Variants in CDH12 observed in about 807,000 individuals in gnomAD.
CDH12 encodes cadherin-12.
Under a neutral mutation model 74.1 loss-of-function variants are expected in CDH12, and 41 were observed. That is an observed-to-expected ratio of 0.55 (90% CI 0.43 to 0.72). CDH12 has a LOEUF of 0.72. Among genes scored for constraint, CDH12 ranks in the 30% least tolerant of loss-of-function variants. CDH12 has a pLI of 0.00. For synonymous variants in CDH12, 399 were observed against 355.0 expected (o/e 1.12, Z -1.39); for missense variants, 945 against 977.2 (o/e 0.97, Z 0.44).
At chr5:21,781,506 C>A (rs547695806) in intron 11 of CDH12, among the ~76,000 whole-genome samples, 1 of 152,118 alleles carries the variant, frequency 6.6e-6, no homozygotes, top group Non-Finnish European at 1.5e-5. Flanking sequence ...GGTGGATCAC[C>A]TAAAGTCAGG....
At chr5:22,028,636 A>T (rs941463415) in intron 5 of CDH12, among the ~76,000 whole-genome samples, 4 of 152,084 alleles carry the variant, frequency 2.6e-5, no homozygotes, top group East Asian at 1.9e-4. Flanking sequence ...GGAAGAACAT[A>T]CCATGCTCAT....
At chr5:22,325,984 A>C (rs1739080437) in intron 3 of CDH12, among the ~76,000 whole-genome samples, 1 of 152,154 alleles carries the variant, frequency 6.6e-6, no homozygotes, top group South Asian at 2.1e-4. Context: ...TGGATTAATG[A>C]GTGAAAAAGT....
Position 22,078,558 on chromosome 5 carries a change from A to C in CDH12, c.119T>G (p.Ile40Ser). 1 of 1,613,974 alleles carries C rather than the reference A, an allele frequency of 6.2e-7. No individual in the cohort carries two copies. The highest frequency in any genetic ancestry group is 2.2e-5 in the East Asian group (1 of 44,872). Residue 40 changes from isoleucine (I) to serine (S), a missense_variant, in exon 5 of 15, where the codon ATC (isoleucine) becomes AGC (serine). By Grantham distance (142) the Ile-to-Ser change is moderately radical. Around this residue, in one of 3 missense-constraint regions of CDH12, gnomAD observed 148 missense variants for 162.8 expected, o/e 0.91. Coordinates refer to ENST00000382254, the MANE Select transcript of CDH12 (RefSeq NM_004061.5). ...TLATEPRENV[I>S]HLPGQRSHFQ... is the part of the protein sequence containing the mutation. ...ATGTGACCGTTGTCCTGGCAGATGGATAACATTTTCTCTTGGCTCTGTGGC... is the reference window on the plus strand; with the variant it reads ...ATGTGACCGTTGTCCTGGCAGATGGCTAACATTTTCTCTTGGCTCTGTGGC...
intron 1 of CDH12, among the ~76,000 whole-genome samples, chr5:22,645,151 A>G (rs1739371408): frequency 6.6e-6 from 1 of 152,122 alleles, no homozygotes; most frequent in African/African-American, 2.4e-5. Flanking sequence ...AATAGTTGCC[A>G]TAGACAGTGA....
At chr5:22,706,930 ATAAATT>A (rs1004127067) in intron 1 of CDH12, among the ~76,000 whole-genome samples, 1 of 152,178 alleles carries the variant, frequency 6.6e-6, no homozygotes, top group Non-Finnish European at 1.5e-5. Context: ...TCCTAAGAAA[ATAAATT>A]TACACCCAAA....
intron 6 of CDH12, among the ~76,000 whole-genome samples, chr5:21,893,981 T>A (rs771274620): frequency 6.6e-6 from 1 of 152,188 alleles, no homozygotes; most frequent in Non-Finnish European, 1.5e-5. Flanking sequence ...ATTTACAGTA[T>A]TTAACGCCTG....
At position 22,505,339 on chromosome 5, in the gene CDH12, A is replaced by C; in HGVS notation, c.-497T>G. On this transcript the variant is annotated 5_prime_UTR_variant, in exon 2 of 15. Coordinates refer to ENST00000382254, the MANE Select transcript of CDH12 (RefSeq NM_004061.5). ...GTTCCAGCTTGTCTATATTTCCCAA[A>C]AGAGCCAAGCTGTTAGGTAACAAAG... 3 of 984,534 alleles carry C rather than the reference A, an allele frequency of 3.0e-6. No homozygotes were observed. Among genetic ancestry groups the C allele is most frequent in the Non-Finnish European group, 3.6e-6 (3 of 829,162 alleles). 61.0% of individuals were successfully genotyped at this position (984,534 alleles called of 1,614,324 possible).
intron 3 of CDH12, among the ~76,000 whole-genome samples, chr5:22,399,153 T>C (rs1742596309): frequency 6.6e-6 from 1 of 151,970 alleles, no homozygotes; most frequent in African/African-American, 2.4e-5. Context: ...TGTATATACA[T>C]ATCTATATCT....
At chr5:21,819,162 A>T (rs1304895067) in intron 8 of CDH12, among the ~76,000 whole-genome samples, 1 of 152,014 alleles carries the variant, frequency 6.6e-6, no homozygotes, top group African/African-American at 2.4e-5. Context: ...AATAGCCTTA[A>T]TTACATAAGC....
chr5:22,535,526 T>G (rs2126711201), intron 1 of CDH12, among the ~76,000 whole-genome samples: 1 of 152,328 alleles, frequency 6.6e-6, no homozygotes, highest in Non-Finnish European at 1.5e-5. Flanking sequence ...TAATTTTAAG[T>G]GTTATCAGTA....
chr5:21,991,727 C>G (rs116269084), intron 5 of CDH12, among the ~76,000 whole-genome samples: 1 of 151,176 alleles, frequency 6.6e-6, no homozygotes, highest in Non-Finnish European at 1.5e-5. Context: ...GCTGCCTTAC[C>G]GAAGTCTTTT....
At chr5:22,074,495 G>A (rs2150220895) in intron 5 of CDH12, among the ~76,000 whole-genome samples, 1 of 152,222 alleles carries the variant, frequency 6.6e-6, no homozygotes, top group Non-Finnish European at 1.5e-5. Flanking sequence ...CTTCCGCACA[G>A]CAAAAGAAAT....
chr5:22,376,860 G>A (rs1272276457), intron 3 of CDH12, among the ~76,000 whole-genome samples: 3 of 151,780 alleles, frequency 2.0e-5, no homozygotes, highest in Non-Finnish European at 4.4e-5. Flanking sequence ...TACCCCATAA[G>A]TATGTAAAAT....
chr5:22,716,861 A>T (rs971355416), intron 1 of CDH12, among the ~76,000 whole-genome samples: 1 of 152,132 alleles, frequency 6.6e-6, no homozygotes, highest in Non-Finnish European at 1.5e-5. Flanking sequence ...TGAAAAAGAA[A>T]AAAAGATTAT....
intron 4 of CDH12, among the ~76,000 whole-genome samples, chr5:22,163,760 A>G (rs759248949): frequency 5.9e-5 from 9 of 152,160 alleles, no homozygotes; most frequent in Non-Finnish European, 1.3e-4. Context: ...CTTATTAATA[A>G]TTTCAAGGGT....
At chr5:22,799,483 G>T (rs1168755139) in intron 1 of CDH12, among the ~76,000 whole-genome samples, 1 of 152,142 alleles carries the variant, frequency 6.6e-6, no homozygotes, top group African/African-American at 2.4e-5. Context: ...TTATTAACTT[G>T]TTAGAGTTAA....
intron 3 of CDH12, among the ~76,000 whole-genome samples, chr5:22,257,481 T>TTTTATTTATTTA (rs71609758): frequency 1.4e-5 from 2 of 144,956 alleles, no homozygotes. Flanking sequence ...TATTTTTTAT[T>TTTTATTTATTTA]TTTATTTATT....
At chr5:22,513,083 T>A (rs892221649) in intron 1 of CDH12, among the ~76,000 whole-genome samples, 1 of 152,146 alleles carries the variant, frequency 6.6e-6, no homozygotes, top group Non-Finnish European at 1.5e-5. Flanking sequence ...AATAATTTTA[T>A]TTAAAAAACA....
chr5:22,729,417 C>T (rs1403919728), intron 1 of CDH12, among the ~76,000 whole-genome samples: 1 of 151,846 alleles, frequency 6.6e-6, no homozygotes, highest in Non-Finnish European at 1.5e-5. Flanking sequence ...ATTGCACTAC[C>T]TGGGTAAGCC....
Sources: gnomAD v4.1 joint callset for allele counts (sites outside exome capture counted in the v4.1 genomes callset) on GRCh38, gnomAD v4.1.1 for gene constraint, gnomAD v4.1.1 regional missense constraint, MANE v1.5 for transcripts, NCBI Gene and HGNC (gene_info 2026-07-23, HGNC 2026-07-21) for gene names.